Variants in AGPAT2 observed in about 807,000 individuals in gnomAD.
AGPAT2 encodes the protein 1-acylglycerol-3-phosphate O-acyltransferase 2.
Under a neutral mutation model 26.1 loss-of-function variants are expected in AGPAT2, and 18 were observed. The ratio of observed to expected loss-of-function variants is 0.69; its 90% confidence interval spans 0.48 to 1.02. The LOEUF (loss-of-function observed/expected upper bound fraction) is 1.02, where lower values mean the gene tolerates loss of function less well. AGPAT2 is among the 50% of genes least tolerant of loss of function. The pLI is 0.00. For missense variants in AGPAT2, 415 were observed against 394.9 expected, an observed-to-expected ratio of 1.05 and a Z score of -0.43; for synonymous variants, 200 against 174.2, an observed-to-expected ratio of 1.15 and a Z score of -1.16.
chr9:136,686,726 G>A (rs1038197246), intron 1 of AGPAT2, among the ~76,000 whole-genome samples: 1 of 152,246 alleles, frequency 6.6e-6, no homozygotes, highest in Non-Finnish European at 1.5e-5. Flanking sequence ...GAGGGAGGCC[G>A]AGGGGTGCCC....
chr9:136,676,756 G>A (rs1172683256), intron 3 of AGPAT2, 76 bp from the exon 4 acceptor site: 6 of 1,443,742 alleles, frequency 4.2e-6, no homozygotes, highest in Non-Finnish European at 5.8e-6. Context: ...CGCCTCCTAA[G>A]AAGCCCCACT....
intron 4 of AGPAT2, among the ~76,000 whole-genome samples, chr9:136,676,143 C>T (rs747411697): frequency 6.6e-6 from 1 of 152,226 alleles, no homozygotes; most frequent in Non-Finnish European, 1.5e-5. Flanking sequence ...TTACAATGAG[C>T]TCCACCCACC....
intron 5 of AGPAT2, 27 bp downstream of exon 5, chr9:136,674,708 A>ACC: frequency 7.1e-7 from 1 of 1,402,714 alleles, no homozygotes; most frequent in Non-Finnish European, 9.4e-7. Flanking sequence ...CGGGGCCTAC[A>ACC]CCCCGGGTGC....
intron 4 of AGPAT2, among the ~76,000 whole-genome samples, chr9:136,676,369 G>GCACA (rs1846090034): frequency 6.6e-6 from 1 of 152,226 alleles, no homozygotes; most frequent in Non-Finnish European, 1.5e-5. Flanking sequence ...GTCACTCTGG[G>GCACA]CTCTGTGTGG....
chr9:136,676,748 C>A, intron 3 of AGPAT2, 68 bp from the exon 4 acceptor site: 1 of 1,478,070 alleles, frequency 6.8e-7, no homozygotes, highest in East Asian at 2.3e-5. Context: ...CGCCGCCTCG[C>A]CTCCTAAGAA....
Position 136,676,741 on chromosome 9 carries a change from C to T in AGPAT2, c.493-61G>A, listed in dbSNP as rs566651993. 1.7e-5 allele frequency: 25 copies of T among 1,500,750 alleles called. No homozygotes were observed. The South Asian group carries it at 2.0e-4, about 12-fold the overall frequency. 93.0% of individuals were successfully genotyped at this position (1,500,750 alleles called of 1,614,324 possible). A position where few individuals can be genotyped will look rare whatever the true frequency, so the allele number is the denominator to read the frequency against. On this transcript the variant is annotated intron_variant, in intron 3 of 5. Coordinates refer to ENST00000371696, the MANE Select transcript of AGPAT2 (RefSeq NM_006412.4). Reference sequence around the variant, plus strand: ...CCAGGCCACCCCAGAAAGGCCACGCCGCCTCGCCTCCTAAGAAGCCCCACT... The same window carrying T: ...CCAGGCCACCCCAGAAAGGCCACGCTGCCTCGCCTCCTAAGAAGCCCCACT...
At position 136,685,653 on chromosome 9, in the gene AGPAT2, GC is replaced by G. The variant is rs377750839; in HGVS notation, c.182+1522del. On this transcript the variant is annotated intron_variant, in intron 1 of 5. Transcript: ENST00000371696. ...ACGCCCAGCACAGGATGCCCTGCAG[GC>G]ATCAGAACCACACAAGCCATTTCCT... Among the ~76,000 whole-genome samples the G allele has an allele frequency of 5.2e-4, 79 of 152,224 alleles. 2 individuals are homozygous for G. The East Asian group carries it at 7.2e-3, about 14-fold the overall frequency.
chr9:136,678,170 G>A (rs1440562920), intron 1 of AGPAT2, among the ~76,000 whole-genome samples: 2 of 152,188 alleles, frequency 1.3e-5, no homozygotes, highest in Non-Finnish European at 2.9e-5. Context: ...GAGGCGGCGA[G>A]GGGCTCGGGG....
At chr9:136,683,546 T>C (rs1450458647) in intron 1 of AGPAT2, among the ~76,000 whole-genome samples, 1 of 152,118 alleles carries the variant, frequency 6.6e-6, no homozygotes, top group Non-Finnish European at 1.5e-5. Context: ...AATCTGGTGT[T>C]TTCCGACAAG....
Position 136,687,334 on chromosome 9 carries a change from G to C in AGPAT2, c.24C>G (p.Ala8=), listed in dbSNP as rs987053838. 11 of 1,552,824 alleles carry C rather than the reference G, an allele frequency of 7.1e-6. 1 individual carries two copies. The Admixed American group carries it at 1.1e-4, about 16-fold the overall frequency. Residue 8 remains alanine, a synonymous_variant, in exon 1 of 6, where the codon GCC becomes GCG. Transcript: ENST00000371696. MELWPCL[A]AALLLLLLLV... is the part of the protein sequence containing the mutation. ...GCAGCAGCAGCAACAGCAGCGCCGC[G>C]GCCAGACACGGCCACAGCTCCATGG...
intron 1 of AGPAT2, among the ~76,000 whole-genome samples, chr9:136,681,781 G>T (rs1345639269): frequency 6.6e-6 from 1 of 152,142 alleles, no homozygotes; most frequent in African/African-American, 2.4e-5. Flanking sequence ...CAGCCTGGGT[G>T]ACAGAGCAAG....
chr9:136,687,447 G>C lies in AGPAT2; in HGVS notation c.-90C>G. 1 of 1,170,450 alleles carries C rather than the reference G, an allele frequency of 8.5e-7. No homozygotes were observed. Among genetic ancestry groups the C allele is most frequent in the Non-Finnish European group, 1.1e-6 (1 of 908,022 alleles). The allele number at this position is 1,170,450 out of a possible 1,614,324, so 72.5% of individuals were successfully genotyped here. On this transcript the variant is annotated 5_prime_UTR_variant, in exon 1 of 6. Transcript: ENST00000371696. ...CGCGCTCAGGCCCCTTATTGCGAGG[G>C]CGGCGGGGCTGGGCGGGGCGGGGCG...
Position 136,676,596 on chromosome 9 carries a change from C to A in AGPAT2, c.577G>T (p.Val193Phe), listed in dbSNP as rs1036718579. The stretch of plus-strand genomic sequence containing the variant: ...TGGGCTCAGCCTACCTGTGCCTGGA[C>A]TGCCAGGTAGAAGGCGCCCTTCTTA... The part of the protein sequence containing the change: ...PFKKGAFYLA[V>F]QAQVPIVPVV... Residue 193 changes from valine (V) to phenylalanine (F), a missense_variant, in exon 4 of 6, where the codon GTC becomes TTC. Transcript: ENST00000371696. 1 of 1,612,896 alleles carries A rather than the reference C, an allele frequency of 6.2e-7. No individual in the cohort carries two copies. The highest frequency in any genetic ancestry group is 8.5e-7 in the Non-Finnish European group (1 of 1,179,680).
intron 2 of AGPAT2, 78 bp from the exon 3 acceptor site, chr9:136,677,214 G>C: frequency 6.4e-7 from 1 of 1,553,394 alleles, no homozygotes; most frequent in Non-Finnish European, 8.8e-7. Context: ...GCACCCACAG[G>C]CCTGCCTGGC....
chr9:136,673,901 C>T lies in AGPAT2; in HGVS notation c.688G>A (p.Ala230Thr). ...GCAGTGAGGCCGCTGGTGGGGATGGCTTCCAGCACCTGCACTGTGACTGTT... is the reference window on the plus strand; with the variant it reads ...GCAGTGAGGCCGCTGGTGGGGATGGTTTCCAGCACCTGCACTGTGACTGTT... ...SGTVTVQVLE[A>T]IPTSGLTAAD... The change falls in exon 6 of 6, where the codon GCC becomes ACC. Residue 230 changes from alanine to threonine, a missense_variant. Ala to Thr is a moderately conservative substitution (Grantham distance 58, BLOSUM62 0). Coordinates refer to ENST00000371696, the MANE Select transcript of AGPAT2 (RefSeq NM_006412.4). The T allele has an allele frequency of 1.3e-6, 2 of 1,593,090 alleles. No individual in the cohort carries two copies. Among genetic ancestry groups the T allele is most frequent in the East Asian group, 2.3e-5 (1 of 43,974 alleles).
intron 1 of AGPAT2, 61 bp downstream of exon 1, chr9:136,687,115 G>A (rs1846231727): frequency 6.6e-7 from 1 of 1,515,032 alleles, no homozygotes; most frequent in Non-Finnish European, 8.8e-7. Context: ...CCAGAAGAAA[G>A]TTAGGGAAGC....
At chr9:136,687,069 G>A (rs966809831) in intron 1 of AGPAT2, 107 bp downstream of exon 1, 5 of 1,295,124 alleles carry the variant, frequency 3.9e-6, no homozygotes, top group Admixed American at 2.6e-5. Context: ...GAGCCCCGGA[G>A]CGGGGCGGGA....
chr9:136,684,662 G>T (rs1322672537), intron 1 of AGPAT2, among the ~76,000 whole-genome samples: 1 of 152,166 alleles, frequency 6.6e-6, no homozygotes. Flanking sequence ...AGCCCCAAGC[G>T]CTGGGCTGGG....
intron 1 of AGPAT2, among the ~76,000 whole-genome samples, chr9:136,684,959 C>A (rs1426498676): frequency 1.3e-5 from 2 of 152,190 alleles, no homozygotes; most frequent in Non-Finnish European, 2.9e-5. Flanking sequence ...GCCTTTCTCA[C>A]CCCTCCCGAC....
Sources: allele counts gnomAD v4.1 joint callset (sites outside exome capture counted in the v4.1 genomes callset), GRCh38; gene constraint gnomAD v4.1.1; transcripts MANE v1.5; gene names NCBI Gene and HGNC (gene_info 2026-07-23, HGNC 2026-07-21).